EEA1: variants seen among roughly 807,000 people sequenced by gnomAD.
EEA1 encodes early endosome antigen 1, also known as early endosome antigen 1, 162kD.
EEA1 carries 111 observed loss-of-function variants against 209.2 expected under a neutral mutation model. The observed-to-expected ratio is 0.53, with a 90% CI of 0.45 to 0.62. The LOEUF (loss-of-function observed/expected upper bound fraction) is 0.62. Ranked by LOEUF, EEA1 falls within the 20% of genes least tolerant of loss-of-function variation. EEA1 has a pLI of 0.00. For missense variants in EEA1, 1,343 were observed against 1,530.8 expected, an observed-to-expected ratio of 0.88 and a Z score of 2.05; for synonymous variants, 536 against 540.6, an observed-to-expected ratio of 0.99 and a Z score of 0.12.
At chr12:92,789,981 G>A (rs1048460679) in intron 21 of EEA1, among the ~76,000 whole-genome samples, 3 of 152,306 alleles carry the variant, frequency 2.0e-5, no homozygotes, top group South Asian at 2.1e-4. Context: ...TGCAGCCTCC[G>A]CTGGTGATAC....
chr12:92,857,980 G>C (rs993896102), intron 3 of EEA1: 35 of 307,496 alleles, frequency 1.1e-4, no homozygotes, highest in Admixed American at 3.7e-4. Flanking sequence ...CTGATACTGC[G>C]CACTGAGTAG....
intron 1 of EEA1, among the ~76,000 whole-genome samples, chr12:92,892,443 GGAA>G (rs1349159909): frequency 6.6e-6 from 1 of 151,654 alleles, no homozygotes; most frequent in Non-Finnish European, 1.5e-5. Context: ...GCAAGTTCAA[GGAA>G]GAAGAAAAAA....
At chr12:92,881,678 C>G (rs1042840193) in intron 2 of EEA1, among the ~76,000 whole-genome samples, 2 of 152,206 alleles carry the variant, frequency 1.3e-5, no homozygotes, top group African/African-American at 2.4e-5. Flanking sequence ...TGAGTAGTTT[C>G]AGTGGAAAAA....
chr12:92,916,423 G>C (rs992201028), intron 1 of EEA1, among the ~76,000 whole-genome samples: 3 of 151,448 alleles, frequency 2.0e-5, no homozygotes, highest in Non-Finnish European at 4.4e-5. Context: ...GGGTGGCTGA[G>C]GTGGGCAGAT....
intron 6 of EEA1, 62 bp downstream of exon 6, chr12:92,853,853 G>T: frequency 2.7e-6 from 4 of 1,469,346 alleles, no homozygotes; most frequent in Non-Finnish European, 2.8e-6. Context: ...CAAAGAAAAA[G>T]AAAGGAAAAC....
At chr12:92,789,212 C>T (rs1256479648) in intron 21 of EEA1, among the ~76,000 whole-genome samples, 13 of 149,896 alleles carry the variant, frequency 8.7e-5, no homozygotes, top group African/African-American at 3.2e-4. Context: ...ATCGCCTGAA[C>T]ACAGGAGGTG....
At chr12:92,900,156 A>T (rs1880087149) in intron 1 of EEA1, among the ~76,000 whole-genome samples, 1 of 152,212 alleles carries the variant, frequency 6.6e-6, no homozygotes, top group African/African-American at 2.4e-5. Flanking sequence ...TGATATTTTT[A>T]AAATGGTAGT....
intron 1 of EEA1, among the ~76,000 whole-genome samples, chr12:92,908,945 T>A (rs1880481455): frequency 6.6e-6 from 1 of 152,124 alleles, no homozygotes; most frequent in Admixed American, 6.6e-5. Context: ...TGCCTCAGCC[T>A]CCTGAGTAGC....
intron 1 of EEA1, among the ~76,000 whole-genome samples, chr12:92,892,288 C>T (rs1291996278): frequency 6.6e-6 from 1 of 152,058 alleles, no homozygotes; most frequent in Non-Finnish European, 1.5e-5. Flanking sequence ...GACGAAGTTT[C>T]ACCATGTTGC....
At chr12:92,853,809 C>T in intron 6 of EEA1, 106 bp downstream of exon 6, 1 of 960,850 alleles carries the variant, frequency 1.0e-6, no homozygotes, top group Non-Finnish European at 1.5e-6. Flanking sequence ...AGTCATAAAG[C>T]ATAACCATGA....
intron 5 of EEA1, among the ~76,000 whole-genome samples, chr12:92,854,633 T>G (rs1877788081): frequency 6.6e-6 from 1 of 152,242 alleles, no homozygotes; most frequent in South Asian, 2.1e-4. Context: ...CTGCTTTCTT[T>G]GAGACTGGCA....
intron 7 of EEA1, 32 bp downstream of exon 7, chr12:92,852,880 T>C (rs1230734106): frequency 1.3e-6 from 2 of 1,501,030 alleles, no homozygotes; most frequent in South Asian, 1.1e-5. Context: ...ATGAGATTGA[T>C]TTATTGGCTA....
chr12:92,899,039 C>T (rs1880040931), intron 1 of EEA1, among the ~76,000 whole-genome samples: 1 of 149,322 alleles, frequency 6.7e-6, no homozygotes, highest in African/African-American at 2.5e-5. Context: ...GCAACCACCA[C>T]ACCAAGGCTT....
At chr12:92,865,968 C>T (rs1232331794) in intron 2 of EEA1, among the ~76,000 whole-genome samples, 2 of 151,256 alleles carry the variant, frequency 1.3e-5, no homozygotes, top group Non-Finnish European at 3.0e-5. Flanking sequence ...CCGGTGGTCT[C>T]GAACTCCTGA....
At chr12:92,923,488 C>T (rs1017759133) in intron 1 of EEA1, among the ~76,000 whole-genome samples, 9 of 152,198 alleles carry the variant, frequency 5.9e-5, no homozygotes, top group Non-Finnish European at 1.2e-4. Flanking sequence ...CTATATCATG[C>T]TCTTGGATTT....
intron 1 of EEA1, among the ~76,000 whole-genome samples, chr12:92,923,822 T>C (rs1364367453): frequency 7.0e-6 from 1 of 142,202 alleles, no homozygotes; most frequent in Non-Finnish European, 1.5e-5. Flanking sequence ...ACCTATGTTC[T>C]AAGTCCTCAT....
chr12:92,889,840 G>C (rs1879589017), intron 2 of EEA1, among the ~76,000 whole-genome samples: 1 of 152,284 alleles, frequency 6.6e-6, no homozygotes, highest in East Asian at 1.9e-4. Flanking sequence ...TTCGAACCTG[G>C]GAGGCAGAGG....
In EEA1 at chr12:92,788,069, T is replaced by C; in HGVS notation, c.2968-20A>G. On this transcript the variant is annotated intron_variant, in intron 21 of 28. Coordinates refer to ENST00000322349, the MANE Select transcript of EEA1 (RefSeq NM_003566.4). ...CTCTGTCTGAAACATACAATAGTTA[T>C]TTAAAACAGTATGCATTCCAAAAAC... The C allele has an allele frequency of 2.0e-6, 3 of 1,514,930 alleles. No individual in the cohort carries two copies. The highest frequency in any genetic ancestry group is 2.6e-6 in the Non-Finnish European group (3 of 1,135,708). 93.8% of individuals were successfully genotyped at this position (1,514,930 alleles called of 1,614,324 possible).
At chr12:92,869,670 T>C (rs368770214) in intron 2 of EEA1, among the ~76,000 whole-genome samples, 2 of 142,830 alleles carry the variant, frequency 1.4e-5, no homozygotes, top group East Asian at 4.1e-4. Context: ...GCAGAACTGT[T>C]TGAACCTGGG....
Sources: gnomAD v4.1 joint callset for allele counts (sites outside exome capture counted in the v4.1 genomes callset) on GRCh38, gnomAD v4.1.1 for gene constraint, MANE v1.5 for transcripts, NCBI Gene and HGNC (gene_info 2026-07-23, HGNC 2026-07-21) for gene names.